Variants in EVI5 observed in about 807,000 individuals in gnomAD.
EVI5 encodes ecotropic viral integration site 5 protein homolog.
In EVI5, 73 loss-of-function variants were observed where a neutral mutation model predicts 112.0. The ratio of observed to expected loss-of-function variants is 0.65; its 90% CI spans 0.54 to 0.79. EVI5 has a LOEUF of 0.79. EVI5 is among the 30% of genes least tolerant of loss of function. The pLI is 0.00. For synonymous variants in EVI5, 305 were observed against 319.9 expected (o/e 0.95, Z 0.50); for missense variants, 900 against 968.8 (o/e 0.93, Z 0.94).
intron 19 of EVI5, among the ~76,000 whole-genome samples, chr1:92,554,974 T>C (rs1370936698): frequency 6.6e-6 from 1 of 152,116 alleles, no homozygotes; most frequent in Admixed American, 6.6e-5. Context: ...AGCAAGACCT[T>C]GTCTCCAGAA....
At chr1:92,643,893 G>C (rs1660463360) in intron 13 of EVI5, among the ~76,000 whole-genome samples, 1 of 142,948 alleles carries the variant, frequency 7.0e-6, no homozygotes, top group Non-Finnish European at 1.5e-5. Flanking sequence ...TAGTGAGTCA[G>C]AGGGAGCTAG....
At chr1:92,708,390 T>C (rs1055840329) in intron 2 of EVI5, among the ~76,000 whole-genome samples, 7 of 152,072 alleles carry the variant, frequency 4.6e-5, no homozygotes, top group Non-Finnish European at 7.4e-5. Flanking sequence ...TCACTAGTCA[T>C]AGGGAAAAAG....
chr1:92,759,860 C>A (rs538615076), intron 1 of EVI5, among the ~76,000 whole-genome samples: 1 of 96,222 alleles, frequency 1.0e-5, no homozygotes, highest in Non-Finnish European at 2.1e-5. Context: ...CAAATACCCT[C>A]CCCCCCACAT....
intron 13 of EVI5, among the ~76,000 whole-genome samples, chr1:92,649,869 T>C (rs758287819): frequency 2.0e-5 from 3 of 152,230 alleles, no homozygotes; most frequent in Non-Finnish European, 2.9e-5. Context: ...GTATACAGTA[T>C]GTTAGGCATC....
intron 18 of EVI5, among the ~76,000 whole-genome samples, chr1:92,582,749 T>C (rs972451525): frequency 6.6e-6 from 1 of 152,186 alleles, no homozygotes; most frequent in Admixed American, 6.5e-5. Context: ...TATCTGGAAG[T>C]TCTAGTTCTT....
intron 4 of EVI5, 73 bp from the exon 5 acceptor site, chr1:92,702,288 G>A: frequency 4.2e-6 from 3 of 718,304 alleles, no homozygotes; most frequent in South Asian, 3.6e-5. Flanking sequence ...CCTAAAATTG[G>A]CAAGACAGAC....
chr1:92,636,104 TA>T, intron 14 of EVI5, 97 bp downstream of exon 14: 2 of 1,019,878 alleles, frequency 2.0e-6, no homozygotes, highest in Non-Finnish European at 2.9e-6. Context: ...TTCTAATGTA[TA>T]AAAACACCAA....
At chr1:92,786,253 AAC>A (rs1296052026), upstream of EVI5, among the ~76,000 whole-genome samples, 29 of 135,548 alleles carry the variant, frequency 2.1e-4, no homozygotes, top group Middle Eastern at 3.9e-3. Flanking sequence ...AAAAAAAAAA[AAC>A]CTTACTTTTT....
rs201316730 is a variant in EVI5 at position 92,694,392 on chromosome 1, A to G, written c.910-4T>C. On this transcript the variant is annotated splice_region_variant and splice_polypyrimidine_tract_variant and intron_variant, in intron 7 of 19. Transcript: ENST00000684568. ...CACGAAACACTATTTCTAAACCCTG[A>G]GGAAACAAATTAAATAAATCCAAAT... is the stretch of plus-strand genomic sequence containing the variant. 4.0e-5 allele frequency: 62 copies of G among 1,551,000 alleles called. 1 individual carries two copies. In the South Asian group the frequency reaches 7.1e-4, roughly 18 times the overall value.
At chr1:92,747,697 G>C (rs1166926361) in intron 1 of EVI5, among the ~76,000 whole-genome samples, 2 of 122,390 alleles carry the variant, frequency 1.6e-5, no homozygotes, top group African/African-American at 6.4e-5. Flanking sequence ...CTGGGTGACA[G>C]AGCCAGACTC....
intron 19 of EVI5, among the ~76,000 whole-genome samples, chr1:92,540,101 CTGAGT>C (rs1319432155): frequency 1.3e-5 from 2 of 152,166 alleles, no homozygotes; most frequent in African/African-American, 4.8e-5. Context: ...TGATTGACAT[CTGAGT>C]TGTTTCTACT....
chr1:92,589,192 T>C (rs893891452), intron 18 of EVI5, among the ~76,000 whole-genome samples: 1 of 152,166 alleles, frequency 6.6e-6, no homozygotes, highest in African/African-American at 2.4e-5. Context: ...GCGTGAGTGA[T>C]GCAGAAGATG....
chr1:92,662,587 G>T, intron 13 of EVI5, 132 bp downstream of exon 13: 1 of 511,956 alleles, frequency 2.0e-6, no homozygotes, highest in Non-Finnish European at 2.7e-6. Flanking sequence ...ACATAAAATT[G>T]TATAATTTAA....
chr1:92,736,295 T>C, intron 2 of EVI5, 103 bp downstream of exon 2: 3 of 721,722 alleles, frequency 4.2e-6, no homozygotes, highest in Non-Finnish European at 6.9e-6. Context: ...ATAACTTTGA[T>C]AAATAAGAAA....
In EVI5 at chr1:92,651,618, G is replaced by A. The variant is rs574443506; in HGVS notation, c.1392+11101C>T. 2.4e-4 allele frequency among the ~76,000 whole-genome samples: 37 copies of A among 151,526 alleles called. 1 individual carries two copies. The highest frequency in any genetic ancestry group is 5.0e-4 in the Non-Finnish European group (34 of 67,896). On this transcript the variant is annotated intron_variant, in intron 13 of 19. Coordinates refer to ENST00000684568, the MANE Select transcript of EVI5 (RefSeq NM_001350197.2). ...TGTAATCCCAGCACTTTGGGAGGCC[G>A]AGGCGGGCGGATCACGAGGTCAGGA...
At chr1:92,657,007 G>A (rs1198751417) in intron 13 of EVI5, among the ~76,000 whole-genome samples, 1 of 151,918 alleles carries the variant, frequency 6.6e-6, no homozygotes, top group Admixed American at 6.6e-5. Flanking sequence ...AAAACATCAA[G>A]GAGGGACTCC....
At chr1:92,724,550 G>A (rs942435571) in intron 2 of EVI5, among the ~76,000 whole-genome samples, 5 of 152,076 alleles carry the variant, frequency 3.3e-5, no homozygotes, top group Non-Finnish European at 5.9e-5. Context: ...ATTCATGCCT[G>A]TAATTCCAAC....
chr1:92,662,989 G>A, intron 12 of EVI5, 124 bp from the exon 13 acceptor site: 1 of 435,170 alleles, frequency 2.3e-6, no homozygotes, highest in Non-Finnish European at 3.4e-6. Context: ...TCAGCGAATA[G>A]AACAGCCTAC....
At chr1:92,685,082 C>T (rs1381954717) in intron 9 of EVI5, among the ~76,000 whole-genome samples, 4 of 151,926 alleles carry the variant, frequency 2.6e-5, no homozygotes, top group East Asian at 1.9e-4. Context: ...AACTATCCAC[C>T]CCAAATCAAC....
Sources: gnomAD v4.1 joint callset for allele counts (sites outside exome capture counted in the v4.1 genomes callset) on GRCh38, gnomAD v4.1.1 for gene constraint, MANE v1.5 for transcripts, NCBI Gene and HGNC (gene_info 2026-07-23, HGNC 2026-07-21) for gene names.